The following GRIK5 variants were observed in gnomAD, a reference collection of about 807,000 sequenced individuals.
The protein encoded by GRIK5 is glutamate receptor ionotropic, kainate 5.
In GRIK5, 43 loss-of-function variants were observed where a neutral mutation model predicts 97.4. The observed-to-expected ratio is 0.44, with a 90% CI of 0.35 to 0.57. The LOEUF (loss-of-function observed/expected upper bound fraction) is 0.57. Among genes scored for constraint, GRIK5 ranks in the 20% least tolerant of loss-of-function variants. The pLI is 0.01. For missense variants in GRIK5, 1,015 were observed against 1,382.0 expected, an observed-to-expected ratio of 0.73 and a Z score of 4.21; for synonymous variants, 580 against 583.5, an observed-to-expected ratio of 0.99 and a Z score of 0.09.
chr19:42,048,121 G>C (rs2076066459), intron 11 of GRIK5, among the ~76,000 whole-genome samples: 1 of 152,026 alleles, frequency 6.6e-6, no homozygotes, highest in Non-Finnish European at 1.5e-5. Context: ...ATATCTTCAT[G>C]ATATAGGGGT....
Position 42,003,815 on chromosome 19 carries a change from T to C in GRIK5, c.2264-132A>G. The C allele has an allele frequency of 1.1e-6, 1 of 913,314 alleles. No homozygotes were observed. The highest frequency in any genetic ancestry group is 1.6e-6 in the Non-Finnish European group (1 of 631,528). The allele number at this position is 913,314 out of a possible 1,614,324, so 56.6% of individuals were successfully genotyped here. ...TGCCCAGGGTCTTCCCTGCAGCCTC[T>C]CCTCACCCCCAGCCCAGTCTCCTCT... On this transcript the variant is annotated intron_variant, in intron 17 of 19. Transcript: ENST00000593562. This position sits in a 1 kb window ranked among gnomAD's most constrained non-coding sequence, Gnocchi z 4.2.
intron 11 of GRIK5, among the ~76,000 whole-genome samples, chr19:42,052,008 TC>T (rs2076123272): frequency 1.3e-5 from 2 of 152,126 alleles, no homozygotes; most frequent in Non-Finnish European, 2.9e-5. Flanking sequence ...GTCTATCTCC[TC>T]CATCAGACTG....
At chr19:42,013,682 T>C (rs947985590) in intron 15 of GRIK5, among the ~76,000 whole-genome samples, 6 of 152,118 alleles carry the variant, frequency 3.9e-5, no homozygotes, top group African/African-American at 1.4e-4. Flanking sequence ...AGTGCTGGGC[T>C]TACAGGCGTG....
At chr19:42,008,268 C>T (rs562067357) in intron 15 of GRIK5, among the ~76,000 whole-genome samples, 16 of 152,170 alleles carry the variant, frequency 1.1e-4, no homozygotes, top group South Asian at 2.1e-4. Flanking sequence ...CTGCCCACCT[C>T]GCCCACCCAA....
intron 17 of GRIK5, among the ~76,000 whole-genome samples, chr19:42,005,256 A>AG (rs1438429098): frequency 1.3e-5 from 2 of 151,236 alleles, no homozygotes; most frequent in Non-Finnish European, 2.9e-5. Context: ...AAAAAAAAAA[A>AG]ACAAAACACC....
intron 11 of GRIK5, among the ~76,000 whole-genome samples, chr19:42,053,035 C>A (rs890088253): frequency 1.3e-5 from 2 of 152,186 alleles, no homozygotes; most frequent in Non-Finnish European, 2.9e-5. Context: ...CATACAAAGG[C>A]CCCTCTGCCT....
At chr19:42,034,917 T>C (rs1170253086) in intron 12 of GRIK5, among the ~76,000 whole-genome samples, 1 of 151,698 alleles carries the variant, frequency 6.6e-6, no homozygotes, top group East Asian at 1.9e-4. Context: ...TGCCCCCTAG[T>C]GGCCAGGATG....
At chr19:42,004,807 T>C (rs1347056859) in intron 17 of GRIK5, among the ~76,000 whole-genome samples, 1 of 152,114 alleles carries the variant, frequency 6.6e-6, no homozygotes, top group African/African-American at 2.4e-5. Context: ...AAAGACAGGG[T>C]CTTGCTATAT....
intron 11 of GRIK5, among the ~76,000 whole-genome samples, chr19:42,044,904 G>A (rs2076024221): frequency 6.6e-6 from 1 of 152,202 alleles, no homozygotes; most frequent in African/African-American, 2.4e-5. Context: ...CACCACTGCA[G>A]GCCAGCCTGG....
At position 42,062,196 on chromosome 19, in the gene GRIK5, T is replaced by C. The variant is rs113681283; in HGVS notation, c.508+292A>G. ...TGTATCACAACAGCTCAATGACCAA[T>C]GACCTCCACTAGAACCGGAGTTCCA... On this transcript the variant is annotated intron_variant, in intron 5 of 19. Transcript: ENST00000593562. The surrounding 1 kb of genome is among the most constrained non-coding windows in gnomAD (Gnocchi z 5.3). Among the ~76,000 whole-genome samples, 2,538 of 152,232 alleles carry C rather than the reference T, an allele frequency of 0.017. 85 individuals are homozygous for C. Among genetic ancestry groups the C allele is most frequent in the African/African-American group, 0.059 (2,432 of 41,532 alleles).
intron 8 of GRIK5, among the ~76,000 whole-genome samples, chr19:42,055,157 T>A (rs1246689045): frequency 2.0e-5 from 3 of 152,252 alleles, no homozygotes; most frequent in South Asian, 2.1e-4. Flanking sequence ...TAGCGTCCCA[T>A]ACACTCTAGC....
At chr19:42,033,317 C>CAA (rs1006793815) in intron 12 of GRIK5, among the ~76,000 whole-genome samples, 226 of 40,400 alleles carry the variant, frequency 5.6e-3, no homozygotes, top group Middle Eastern at 0.037. Flanking sequence ...GACTCCGTCT[C>CAA]AAAAAAAAAA....
chr19:42,050,657 C>CA (rs1188154896), intron 11 of GRIK5, among the ~76,000 whole-genome samples: 1,242 of 58,358 alleles, frequency 0.021, 6 homozygotes, highest in Middle Eastern at 0.036. Flanking sequence ...GACTCTGTCT[C>CA]AAAAAAAAAA....
At chr19:42,063,852 A>T (rs1421483403) in intron 3 of GRIK5, among the ~76,000 whole-genome samples, 2 of 152,186 alleles carry the variant, frequency 1.3e-5, no homozygotes, top group Non-Finnish European at 2.9e-5. Flanking sequence ...ACATGAGCTA[A>T]TAAGTTCTCT....
intron 1 of GRIK5, chr19:42,068,958 CG>C: frequency 1.6e-6 from 1 of 610,200 alleles, no homozygotes; most frequent in Non-Finnish European, 3.0e-6. Context: ...GCCAGGGGCC[CG>C]GGGTAAGTGA....
Position 42,042,573 on chromosome 19 carries a change from C to T in GRIK5, c.1452G>A (p.Met484Ile). The T allele has an allele frequency of 1.2e-6, 2 of 1,611,250 alleles. No homozygotes were observed. The highest frequency in any genetic ancestry group is 1.7e-6 in the Non-Finnish European group (2 of 1,179,698). ...APEPNGSWTG[M>I]VGELINRKAD... ...ATACCCGGTTGATGAGCTCGCCAAC[C>T]ATGCCCGTCCAGGAGCCGTTGGGCT... Residue 484 changes from methionine (M) to isoleucine (I), a missense_variant, in exon 12 of 20, where the codon ATG (methionine) becomes ATA (isoleucine). By Grantham distance (10) the Met-to-Ile change is conservative (BLOSUM62 1). Coordinates refer to ENST00000593562, the MANE Select transcript of GRIK5 (RefSeq NM_002088.5). This position sits in a 1 kb window ranked among gnomAD's most constrained non-coding sequence, Gnocchi z 6.9.
At chr19:42,039,506 G>C (rs2075951708) in intron 12 of GRIK5, among the ~76,000 whole-genome samples, 1 of 152,058 alleles carries the variant, frequency 6.6e-6, no homozygotes, top group African/African-American at 2.4e-5. Context: ...AACTCTTCAA[G>C]GGCATCCCAT....
intron 15 of GRIK5, among the ~76,000 whole-genome samples, chr19:42,013,826 G>T (rs924780640): frequency 6.6e-6 from 1 of 151,908 alleles, no homozygotes; most frequent in African/African-American, 2.4e-5. Flanking sequence ...CCAAGAGTTT[G>T]AGACCAGCCT....
chr19:42,005,674 T>G (rs1051078932), intron 17 of GRIK5, 49 bp downstream of exon 17: 1 of 1,386,328 alleles, frequency 7.2e-7, no homozygotes. Flanking sequence ...TCACAGGTGG[T>G]TTTGGATGCC....
Sources: allele counts gnomAD v4.1 joint callset (sites outside exome capture counted in the v4.1 genomes callset), GRCh38; gene constraint gnomAD v4.1.1; non-coding constraint Gnocchi (gnomAD v3.1); transcripts MANE v1.5; gene names NCBI Gene and HGNC (gene_info 2026-07-23, HGNC 2026-07-21).